Variants in GABPA observed in about 807,000 individuals in gnomAD.
GABPA encodes the protein GA-binding protein alpha chain.
GABPA carries 4 observed loss-of-function variants against 59.4 expected under a neutral mutation model. The observed-to-expected ratio is 0.07, with a 90% CI of 0.03 to 0.15. The LOEUF (loss-of-function observed/expected upper bound fraction) is 0.15, where lower values mean the gene tolerates loss of function less well. Among genes scored for constraint, GABPA ranks in the 10% least tolerant of loss-of-function variants. The pLI, the probability that GABPA is intolerant of heterozygous loss-of-function variation, is 1.00. For missense variants in GABPA, 251 were observed against 543.8 expected (o/e 0.46, Z 5.36); for synonymous variants, 164 against 183.1 (o/e 0.90, Z 0.84).
intron 5 of GABPA, among the ~76,000 whole-genome samples, chr21:25,756,651 G>C (rs960898541): frequency 3.3e-5 from 5 of 152,146 alleles, no homozygotes; most frequent in African/African-American, 9.7e-5. Context: ...CACTTCCCTT[G>C]CTTCCCTTTG....
At chr21:25,748,404 A>C (rs1940408671) in intron 3 of GABPA, among the ~76,000 whole-genome samples, 1 of 152,232 alleles carries the variant, frequency 6.6e-6, no homozygotes, top group Admixed American at 6.5e-5. Context: ...AAAGTGTCTG[A>C]AAGTCAGAAT....
chr21:25,764,837 A>C, intron 9 of GABPA, 50 bp downstream of exon 9: 1 of 1,344,058 alleles, frequency 7.4e-7, no homozygotes, highest in Non-Finnish European at 1.0e-6. Context: ...AAACTTTCTA[A>C]AAAATAGTTT....
In GABPA at chr21:25,770,562, C is replaced by G. The variant is rs1216394289; in HGVS notation, c.*1330C>G. 1 of 152,082 alleles carries G rather than the reference C, an allele frequency of 6.6e-6. No homozygotes were observed. The highest frequency in any genetic ancestry group is 1.9e-4 in the East Asian group (1 of 5,194). 9.4% of individuals were successfully genotyped at this position (152,082 alleles called of 1,614,324 possible). ...ATGAGACTGGCAGATAGCTATTAAT[C>G]CTCTTACAGATTTGAGAAAGTTGAT... On this transcript the variant is annotated 3_prime_UTR_variant, in exon 10 of 10. Transcript: ENST00000400075.
chr21:25,744,042 C>CAA (rs1182340915), intron 2 of GABPA, among the ~76,000 whole-genome samples: 3,257 of 71,236 alleles, frequency 0.046, 190 homozygotes, highest in African/African-American at 0.11. Context: ...GACTCTGTCT[C>CAA]AAAAAAAAAA....
At chr21:25,764,108 A>G in intron 7 of GABPA, 102 bp from the exon 8 acceptor site, 1 of 928,692 alleles carries the variant, frequency 1.1e-6, no homozygotes, top group Non-Finnish European at 1.6e-6. Context: ...TCTTGGGGGT[A>G]ATTCATAGGG....
Position 25,758,287 on chromosome 21 carries a change from T to C in GABPA, c.748+83T>C, listed in dbSNP as rs142447350. ...TAACTTTGTTTTCATCTTAGTTGTT[T>C]ATTGATAATGATAAGTAATAAGCAA... On this transcript the variant is annotated intron_variant, in intron 6 of 9. Coordinates refer to ENST00000400075, the MANE Select transcript of GABPA (RefSeq NM_002040.4). The C allele has an allele frequency of 6.0e-3, 5,820 of 967,142 alleles. 34 individuals carry two copies. Among genetic ancestry groups the C allele is most frequent in the Middle Eastern group, 8.6e-3 (26 of 3,006 alleles). The allele number at this position is 967,142 out of a possible 1,614,324, so 59.9% of individuals were successfully genotyped here.
At chr21:25,736,169 C>T (rs536589998) in intron 1 of GABPA, among the ~76,000 whole-genome samples, 5 of 152,304 alleles carry the variant, frequency 3.3e-5, no homozygotes, top group African/African-American at 1.2e-4. Flanking sequence ...TACTAGAAGA[C>T]ACGCTGTATG....
intron 4 of GABPA, among the ~76,000 whole-genome samples, chr21:25,751,716 G>A (rs2035517454): frequency 6.6e-6 from 1 of 151,824 alleles, no homozygotes; most frequent in South Asian, 2.1e-4. Flanking sequence ...GGTAAGAACT[G>A]GTACTTCTTT....
chr21:25,762,283 T>TA (rs749898211), intron 6 of GABPA, 29 bp from the exon 7 acceptor site: 1 of 1,400,724 alleles, frequency 7.1e-7, no homozygotes. Flanking sequence ...TGGTTTTAAA[T>TA]AAAAACAAAA....
chr21:25,766,822 A>G (rs1222028572), intron 9 of GABPA, among the ~76,000 whole-genome samples: 2 of 152,008 alleles, frequency 1.3e-5, no homozygotes, highest in Non-Finnish European at 2.9e-5. Flanking sequence ...CTATGCCCAT[A>G]CACATGTTCA....
At chr21:25,755,808 G>T (rs914608293) in intron 5 of GABPA, among the ~76,000 whole-genome samples, 1 of 152,248 alleles carries the variant, frequency 6.6e-6, no homozygotes, top group East Asian at 1.9e-4. Context: ...CTTTAAATCT[G>T]TCTCCTTATT....
intron 3 of GABPA, among the ~76,000 whole-genome samples, chr21:25,746,580 T>G (rs1448096937): frequency 6.6e-6 from 1 of 152,228 alleles, no homozygotes; most frequent in Non-Finnish European, 1.5e-5. Flanking sequence ...TACTTTAATC[T>G]TTTCATTTCA....
chr21:25,748,329 T>G (rs1043042660), intron 3 of GABPA, among the ~76,000 whole-genome samples: 4 of 152,230 alleles, frequency 2.6e-5, no homozygotes, highest in African/African-American at 9.6e-5. Context: ...CTTTATGACA[T>G]GCAGACACAG....
intron 6 of GABPA, among the ~76,000 whole-genome samples, chr21:25,760,560 G>A (rs1011874906): frequency 6.6e-6 from 1 of 151,772 alleles, no homozygotes; most frequent in African/African-American, 2.4e-5. Context: ...TACATGGGAG[G>A]ATAATTAGGA....
chr21:25,737,681 TA>T (rs2035116724), intron 1 of GABPA, among the ~76,000 whole-genome samples: 2 of 152,230 alleles, frequency 1.3e-5, no homozygotes, highest in African/African-American at 4.8e-5. Context: ...GGCTACATCA[TA>T]ATGCTTTTTT....
intron 4 of GABPA, 138 bp from the exon 5 acceptor site, chr21:25,751,851 C>T: frequency 1.2e-6 from 1 of 817,280 alleles, no homozygotes; most frequent in Admixed American, 2.9e-5. Flanking sequence ...CCCAGATTCC[C>T]CAAATGTTAA....
intron 5 of GABPA, among the ~76,000 whole-genome samples, chr21:25,753,911 A>T (rs2035573395): frequency 6.6e-6 from 1 of 152,130 alleles, no homozygotes; most frequent in African/African-American, 2.4e-5. Context: ...TGTTTTCCCT[A>T]GGACATTTTT....
Position 25,770,844 on chromosome 21 carries a change from T to G in GABPA, c.*1612T>G, listed in dbSNP as rs2035995250. ...TCTCTGGTAATCTTAATGCATAATTTTACTAAAACATGTTCTCAATTCATT... is the reference window on the plus strand; with the variant it reads ...TCTCTGGTAATCTTAATGCATAATTGTACTAAAACATGTTCTCAATTCATT... On this transcript the variant is annotated 3_prime_UTR_variant, in exon 10 of 10. Transcript: ENST00000400075. The G allele has an allele frequency of 6.6e-6, 1 of 152,032 alleles. No individual in the cohort carries two copies. Among genetic ancestry groups the G allele is most frequent in the South Asian group, 2.1e-4 (1 of 4,830 alleles). 9.4% of individuals were successfully genotyped at this position (152,032 alleles called of 1,614,324 possible). A position where few individuals can be genotyped will look rare whatever the true frequency, so the allele number is the denominator to read the frequency against.
intron 1 of GABPA, among the ~76,000 whole-genome samples, chr21:25,740,472 A>G (rs903268303): frequency 6.6e-5 from 10 of 152,240 alleles, no homozygotes; most frequent in African/African-American, 2.4e-4. Context: ...AAAGACATTC[A>G]TTGACCTACT....
Sources: gnomAD v4.1 joint callset for allele counts (sites outside exome capture counted in the v4.1 genomes callset) on GRCh38, gnomAD v4.1.1 for gene constraint, MANE v1.5 for transcripts, NCBI Gene and HGNC (gene_info 2026-07-23, HGNC 2026-07-21) for gene names.